Variants in BMP2K observed in about 807,000 individuals in gnomAD.
BMP2K encodes BMP2 inducible kinase.
A neutral mutation model predicts 116.0 loss-of-function variants in BMP2K; 74 were observed. The ratio of observed to expected loss-of-function variants is 0.64; its 90% CI spans 0.53 to 0.77. The LOEUF is 0.77. Among genes scored for constraint, BMP2K ranks in the 30% least tolerant of loss-of-function variants. The probability of loss-of-function intolerance (pLI) is 0.00; values close to 1 mark genes in which losing one functional copy is unlikely to be tolerated. For missense variants in BMP2K, 1,365 were observed against 1,403.6 expected, an observed-to-expected ratio of 0.97 and a Z score of 0.44; for synonymous variants, 486 against 502.5, an observed-to-expected ratio of 0.97 and a Z score of 0.44.
intron 2 of BMP2K, among the ~76,000 whole-genome samples, chr4:78,827,605 G>A (rs761037947): frequency 2.0e-5 from 3 of 152,136 alleles, no homozygotes; most frequent in Admixed American, 1.3e-4. Flanking sequence ...CAATCTGGAA[G>A]GGAGTTCTTC....
chr4:78,809,031 A>G (rs936275518), intron 1 of BMP2K, among the ~76,000 whole-genome samples: 2 of 152,168 alleles, frequency 1.3e-5, no homozygotes, highest in African/African-American at 4.8e-5. Flanking sequence ...TGTTCCATTC[A>G]TTATTGAAAG....
chr4:78,886,104 T>G (rs1733063912), intron 14 of BMP2K, among the ~76,000 whole-genome samples: 1 of 152,166 alleles, frequency 6.6e-6, no homozygotes. Context: ...CAAGAAATCC[T>G]CCTGCCTTGG....
intron 13 of BMP2K, among the ~76,000 whole-genome samples, chr4:78,874,249 T>C (rs1279844769): frequency 6.6e-6 from 1 of 152,144 alleles, no homozygotes; most frequent in Non-Finnish European, 1.5e-5. Flanking sequence ...TTATCTACTC[T>C]AGTTAAAATT....
intron 15 of BMP2K, chr4:78,898,947 C>G (rs1245881467): frequency 2.6e-5 from 4 of 152,210 alleles, no homozygotes; most frequent in Non-Finnish European, 5.9e-5. Flanking sequence ...CTGCAATGCA[C>G]TATGCTGATC....
Position 78,776,518 on chromosome 4 carries a change from G to A in BMP2K, c.-26G>A. On this transcript the variant is annotated 5_prime_UTR_variant, in exon 1 of 16. Coordinates refer to ENST00000502613, the MANE Select transcript of BMP2K (RefSeq NM_198892.2). ...GGGGACTTGCCCTTGCACGCTCCCT[G>A]CGCCCTCCAGCTCGCCGGCGGGACC... 8.8e-7 allele frequency: 1 copy of A among 1,135,702 alleles called. No individual in the cohort carries two copies. The allele number at this position is 1,135,702 out of a possible 1,614,324, so 70.4% of individuals were successfully genotyped here.
At chr4:78,832,133 G>T (rs1219261092) in intron 2 of BMP2K, among the ~76,000 whole-genome samples, 9 of 151,814 alleles carry the variant, frequency 5.9e-5, no homozygotes, top group African/African-American at 1.7e-4. Context: ...CTGTCTTTTG[G>T]GTATTATAAT....
chr4:78,897,417 T>C (rs936085085), intron 15 of BMP2K, among the ~76,000 whole-genome samples: 3 of 151,992 alleles, frequency 2.0e-5, no homozygotes, highest in Non-Finnish European at 2.9e-5. Context: ...TATGTAGCAA[T>C]GTACAAATGT....
In BMP2K at chr4:78,914,052, T is replaced by A. The variant is rs887583378; in HGVS notation, c.*2019T>A. ...CACATAGTAAATTCATGAACTACAG[T>A]AGGTTTGTATCAAACAATTTTTTTT... On this transcript the variant is annotated 3_prime_UTR_variant, in exon 16 of 16. Coordinates refer to ENST00000502613, the MANE Select transcript of BMP2K (RefSeq NM_198892.2). The A allele has an allele frequency of 1.3e-5, 2 of 151,708 alleles. No homozygotes were observed. The highest frequency in any genetic ancestry group is 4.8e-5 in the African/African-American group (2 of 41,274). The allele number at this position is 151,708 out of a possible 1,614,324, so 9.4% of individuals were successfully genotyped here.
At chr4:78,873,781 C>T (rs866576055) in intron 13 of BMP2K, among the ~76,000 whole-genome samples, 2 of 151,246 alleles carry the variant, frequency 1.3e-5, no homozygotes, top group African/African-American at 2.4e-5. Context: ...GAGACAGAAA[C>T]GAATGGATTT....
At chr4:78,851,322 G>A (rs1318472448) in intron 7 of BMP2K, among the ~76,000 whole-genome samples, 2 of 152,016 alleles carry the variant, frequency 1.3e-5, no homozygotes, top group Non-Finnish European at 2.9e-5. Context: ...GCTAGTCTTC[G>A]AGAGGCCCTC....
intron 3 of BMP2K, among the ~76,000 whole-genome samples, chr4:78,839,551 TA>T (rs1730655698): frequency 6.6e-6 from 1 of 152,170 alleles, no homozygotes; most frequent in Admixed American, 6.5e-5. Flanking sequence ...CTACTACAGA[TA>T]AAATTGAAAA....
Position 78,776,637 on chromosome 4 carries a change from T to G in BMP2K, c.94T>G (p.Cys32Gly), listed in dbSNP as rs929260466. 3.3e-6 allele frequency: 4 copies of G among 1,216,614 alleles called. No individual in the cohort carries two copies. The African/African-American group carries it at 4.7e-5, about 14-fold the overall frequency. 75.4% of individuals were successfully genotyped at this position (1,216,614 alleles called of 1,614,324 possible). A position where few individuals can be genotyped will look rare whatever the true frequency, so the allele number is the denominator to read the frequency against. Residue 32 changes from cysteine to glycine, a missense_variant, in exon 1 of 16, where the codon TGC becomes GGC. Physicochemically the swap from Cys to Gly is radical, Grantham distance 159. Around this residue, in one of 3 missense-constraint regions of BMP2K, gnomAD observed 762 missense variants for 756.7 expected, o/e 1.01. Coordinates refer to ENST00000502613, the MANE Select transcript of BMP2K (RefSeq NM_198892.2). The stretch of plus-strand genomic sequence containing the variant: ...TGGCGGGGCCGGGGCCGGGGCCGGC[T>G]GCGGCTCCGGCGGCTCGTCCGTGGG... ...GAGGAGAGAG[C>G]GSGGSSVGVR... is the part of the protein sequence containing the mutation.
At chr4:78,802,014 C>T (rs1311869007) in intron 1 of BMP2K, among the ~76,000 whole-genome samples, 1 of 152,258 alleles carries the variant, frequency 6.6e-6, no homozygotes, top group Non-Finnish European at 1.5e-5. Context: ...CTGACACTCT[C>T]TCCTTTAGTG....
chr4:78,852,332 T>G (rs767152330), intron 7 of BMP2K, among the ~76,000 whole-genome samples: 5 of 152,140 alleles, frequency 3.3e-5, no homozygotes, highest in Non-Finnish European at 4.4e-5. Flanking sequence ...TTATCATTGC[T>G]AGTATAAATT....
chr4:78,778,342 A>G (rs1411625994), intron 1 of BMP2K, among the ~76,000 whole-genome samples: 1 of 152,244 alleles, frequency 6.6e-6, no homozygotes, highest in Non-Finnish European at 1.5e-5. Context: ...TTGGAAAGTA[A>G]TAAAGATGAA....
chr4:78,813,738 A>G (rs1451180909), intron 1 of BMP2K, among the ~76,000 whole-genome samples: 1 of 152,146 alleles, frequency 6.6e-6, no homozygotes, highest in Admixed American at 6.6e-5. Flanking sequence ...TAAACATTTC[A>G]GCCTCCTCCA....
Position 78,870,937 on chromosome 4 carries a change from GCAGCAGCAGCAGCAGCAACAGCAA to G in BMP2K, c.1401_1424del (p.Gln479_Gln486del), listed in dbSNP as rs773158762. ...AGCATCGTCATCCTCACCAGCAGCA[GCAGCAGCAGCAGCAGCAACAGCAA>G]CAGCAGCAGCAGCAACAGCAACAGC... is the stretch of plus-strand genomic sequence containing the variant. On this transcript the variant is annotated inframe_deletion, in exon 11 of 16. Coordinates refer to ENST00000502613, the MANE Select transcript of BMP2K (RefSeq NM_198892.2). 6.2e-6 allele frequency: 10 copies of G among 1,608,708 alleles called. No individual in the cohort carries two copies. In the African/African-American group the frequency reaches 8.3e-5, roughly 13 times the overall value.
intron 1 of BMP2K, among the ~76,000 whole-genome samples, chr4:78,808,708 T>G (rs1728942168): frequency 6.6e-6 from 1 of 152,252 alleles, no homozygotes; most frequent in Non-Finnish European, 1.5e-5. Flanking sequence ...TGTGATTGCT[T>G]CTTTGATGCA....
At chr4:78,887,858 A>G (rs1165940694) in intron 15 of BMP2K, among the ~76,000 whole-genome samples, 3 of 152,182 alleles carry the variant, frequency 2.0e-5, no homozygotes, top group Non-Finnish European at 2.9e-5. Context: ...ATGTATGGTT[A>G]TAGTGGAAAA....
Sources: allele counts gnomAD v4.1 joint callset (sites outside exome capture counted in the v4.1 genomes callset), GRCh38; gene constraint gnomAD v4.1.1; regional missense constraint gnomAD v4.1.1; transcripts MANE v1.5; gene names NCBI Gene and HGNC (gene_info 2026-07-23, HGNC 2026-07-21).